The following SIPA1L2 variants were observed in gnomAD, a reference collection of about 807,000 sequenced individuals.
SIPA1L2 encodes the protein signal induced proliferation associated 1 like 2, also known as signal-induced proliferation-associated 1-like protein 2.
In SIPA1L2, 56 loss-of-function variants were observed where a neutral mutation model predicts 163.9. That is an observed-to-expected ratio of 0.34 (90% CI 0.28 to 0.43). The LOEUF is 0.43. Ranked by LOEUF, SIPA1L2 falls within the 20% of genes least tolerant of loss-of-function variation. The probability of loss-of-function intolerance (pLI) is 1.00; values close to 1 mark genes in which losing one functional copy is unlikely to be tolerated. For synonymous variants in SIPA1L2, 877 were observed against 865.7 expected (o/e 1.01, Z -0.23); for missense variants, 1,974 against 2,193.5 (o/e 0.90, Z 2.00).
chr1:232,399,034 G>C lies in SIPA1L2; in HGVS notation c.*93C>G. On this transcript the variant is annotated 3_prime_UTR_variant, in exon 23 of 23. Transcript: ENST00000674635. ...AGAATGGAACAGCAAAAACATCTAC[G>C]ATTGGTTGAAAGCACACAGAAAAAC... The C allele has an allele frequency of 1.3e-6, 2 of 1,549,202 alleles. No individual in the cohort carries two copies. The highest frequency in any genetic ancestry group is 1.2e-5 in the South Asian group (1 of 84,232).
intron 18 of SIPA1L2, among the ~76,000 whole-genome samples, chr1:232,423,529 A>G (rs1291667831): frequency 6.6e-6 from 1 of 152,210 alleles, no homozygotes; most frequent in Non-Finnish European, 1.5e-5. Context: ...ACTTTTTCCG[A>G]GTAGTTTCTT....
intron 12 of SIPA1L2, 108 bp from the exon 13 acceptor site, chr1:232,441,976 C>T: frequency 1.2e-6 from 1 of 848,882 alleles, no homozygotes; most frequent in Non-Finnish European, 1.8e-6. Context: ...AAGCCCTATC[C>T]AGGAGCTGGT....
intron 3 of SIPA1L2, among the ~76,000 whole-genome samples, chr1:232,495,482 G>A (rs528134271): frequency 2.6e-5 from 4 of 151,148 alleles, no homozygotes; most frequent in Non-Finnish European, 4.4e-5. Flanking sequence ...GGAGAATGGC[G>A]TGAACCTGGG....
At chr1:232,418,060 T>G (rs1661361861) in intron 18 of SIPA1L2, among the ~76,000 whole-genome samples, 1 of 152,216 alleles carries the variant, frequency 6.6e-6, no homozygotes, top group Admixed American at 6.5e-5. Flanking sequence ...ACTCGTGAAT[T>G]TTCCTTGTGT....
At position 232,439,356 on chromosome 1, in the gene SIPA1L2, G is replaced by T. The variant is rs754145866; in HGVS notation, c.3783C>A (p.Ala1261=). 6.2e-7 allele frequency: 1 copy of T among 1,614,178 alleles called. No homozygotes were observed. Among genetic ancestry groups the T allele is most frequent in the Admixed American group, 1.7e-5 (1 of 60,020 alleles). The change falls in exon 15 of 23, where the codon GCC becomes GCA. Residue 1261 remains alanine (A), a synonymous_variant. Coordinates refer to ENST00000674635, the MANE Select transcript of SIPA1L2 (RefSeq NM_020808.5). Reference sequence around the variant, plus strand: ...CCGTGTCGATGCCACTGTCGGTGGAGGCCCCTTTGATGTAGGTCAGCCCCA... The same window carrying T: ...CCGTGTCGATGCCACTGTCGGTGGATGCCCCTTTGATGTAGGTCAGCCCCA... ...ELLGLTYIKG[A]STDSGIDTAP...
At chr1:232,454,382 A>G (rs1663769845) in intron 10 of SIPA1L2, among the ~76,000 whole-genome samples, 1 of 152,230 alleles carries the variant, frequency 6.6e-6, no homozygotes, top group Non-Finnish European at 1.5e-5. Context: ...TACTAGAAGC[A>G]GACACAGGGG....
At chr1:232,624,842 T>TC (rs773635886) in intron 1 of SIPA1L2, among the ~76,000 whole-genome samples, 1 of 152,210 alleles carries the variant, frequency 6.6e-6, no homozygotes, top group Non-Finnish European at 1.5e-5. Context: ...ACTGTGGTGT[T>TC]CTTCCCCACT....
intron 1 of SIPA1L2, among the ~76,000 whole-genome samples, chr1:232,604,032 C>A (rs1661755080): frequency 6.6e-6 from 1 of 152,038 alleles, no homozygotes; most frequent in Non-Finnish European, 1.5e-5. Flanking sequence ...TGGCATTTTT[C>A]AAACAAATCA....
At chr1:232,622,423 G>A (rs1662861982) in intron 1 of SIPA1L2, among the ~76,000 whole-genome samples, 1 of 152,204 alleles carries the variant, frequency 6.6e-6, no homozygotes, top group African/African-American at 2.4e-5. Context: ...CTAATGGACT[G>A]AGAGCTAAAG....
At chr1:232,576,907 A>T (rs892984046) in intron 1 of SIPA1L2, among the ~76,000 whole-genome samples, 1 of 152,140 alleles carries the variant, frequency 6.6e-6, no homozygotes, top group African/African-American at 2.4e-5. Context: ...AGGCTGAGAG[A>T]GGTGAGGAGG....
chr1:232,479,761 G>A, intron 6 of SIPA1L2, 31 bp from the exon 7 acceptor site: 1 of 1,580,916 alleles, frequency 6.3e-7, no homozygotes, highest in Non-Finnish European at 8.7e-7. Context: ...CAGAAGCAAG[G>A]TAAGCTGCTA....
At chr1:232,510,778 G>A (rs1470175159) in intron 3 of SIPA1L2, among the ~76,000 whole-genome samples, 3 of 151,912 alleles carry the variant, frequency 2.0e-5, no homozygotes, top group Non-Finnish European at 4.4e-5. Context: ...TGGTGACCGG[G>A]GTGCACAAAA....
Position 232,556,534 on chromosome 1 carries a change from G to C in SIPA1L2, c.-270+17640C>G, listed in dbSNP as rs77948630. ...GCAATTCAAAAGGCAGCTATCAATG[G>C]CACATAAACCCCGTTCAGATATGGA... On this transcript the variant is annotated intron_variant, in intron 2 of 22. Transcript: ENST00000674635. 4.0e-3 allele frequency among the ~76,000 whole-genome samples: 609 copies of C among 152,230 alleles called. 7 individuals carry two copies. The East Asian group carries it at 0.051, about 13-fold the overall frequency.
intron 9 of SIPA1L2, 45 bp downstream of exon 9, chr1:232,464,795 A>G: frequency 6.8e-7 from 1 of 1,471,534 alleles, no homozygotes; most frequent in Non-Finnish European, 9.2e-7. Context: ...TGAATCTGGA[A>G]TTGAAAACAT....
At position 232,421,579 on chromosome 1, in the gene SIPA1L2, G is replaced by A. The variant is rs529396968; in HGVS notation, c.4630+4010C>T. On this transcript the variant is annotated intron_variant, in intron 18 of 22. Transcript: ENST00000674635. ...GAATAACACTGCCTAGTCAAATACT[G>A]AATAGTCAAAACCCTGTTTGCAGAT... Among the ~76,000 whole-genome samples, 18 of 152,202 alleles carry A rather than the reference G, an allele frequency of 1.2e-4. 1 individual carries two copies. Among genetic ancestry groups the A allele is most frequent in the African/African-American group, 4.1e-4 (17 of 41,522 alleles).
intron 2 of SIPA1L2, among the ~76,000 whole-genome samples, chr1:232,568,783 A>G (rs931264515): frequency 2.0e-5 from 3 of 152,178 alleles, no homozygotes; most frequent in Non-Finnish European, 2.9e-5. Context: ...ACATGTCTAC[A>G]TGTGTTCACT....
At chr1:232,484,276 T>C (rs1002002382) in intron 5 of SIPA1L2, among the ~76,000 whole-genome samples, 4 of 152,168 alleles carry the variant, frequency 2.6e-5, no homozygotes, top group African/African-American at 4.8e-5. Context: ...TACTTAAAAA[T>C]AGAACTGTGG....
At chr1:232,488,781 A>G (rs1665776030) in intron 5 of SIPA1L2, among the ~76,000 whole-genome samples, 1 of 152,242 alleles carries the variant, frequency 6.6e-6, no homozygotes, top group African/African-American at 2.4e-5. Context: ...TTCTAGATCT[A>G]TCTGACTACA....
At chr1:232,533,091 C>T (rs1262390656) in intron 2 of SIPA1L2, among the ~76,000 whole-genome samples, 1 of 152,182 alleles carries the variant, frequency 6.6e-6, no homozygotes, top group East Asian at 1.9e-4. Flanking sequence ...AGTGCCAGGT[C>T]AGTTGCTGGA....
Sources: gnomAD v4.1 joint callset for allele counts (sites outside exome capture counted in the v4.1 genomes callset) on GRCh38, gnomAD v4.1.1 for gene constraint, MANE v1.5 for transcripts, NCBI Gene and HGNC (gene_info 2026-07-23, HGNC 2026-07-21) for gene names.